Variants in DYRK1A observed in about 807,000 individuals in gnomAD.
The protein encoded by DYRK1A is dual specificity tyrosine-phosphorylation-regulated kinase 1A.
DYRK1A carries 9 observed loss-of-function variants against 79.7 expected under a neutral mutation model. The observed-to-expected ratio is 0.11, with a 90% confidence interval of 0.07 to 0.20. The LOEUF is 0.20. DYRK1A is among the 10% of genes least tolerant of loss of function. The pLI, the probability that DYRK1A is intolerant of heterozygous loss-of-function variation, is 1.00. For synonymous variants in DYRK1A, 349 were observed against 329.7 expected, an observed-to-expected ratio of 1.06 and a Z score of -0.63; for missense variants, 622 against 956.0, an observed-to-expected ratio of 0.65 and a Z score of 4.61.
rs568030606 is a variant in DYRK1A at position 37,448,966 on chromosome 21, G to A, written c.11-23718G>A. Among the ~76,000 whole-genome samples, 9 of 152,262 alleles carry A rather than the reference G, an allele frequency of 5.9e-5. No individual in the cohort carries two copies. The South Asian group carries it at 1.7e-3, about 28-fold the overall frequency. On this transcript the variant is annotated intron_variant, in intron 2 of 11. Transcript: ENST00000647188. ...GCCTGCCTTAGCCTCCCAAAATGTT[G>A]GGATTACAGGTGTGAGCCACCATGC...
At chr21:37,413,033 G>C (rs2050272197) in intron 1 of DYRK1A, among the ~76,000 whole-genome samples, 1 of 152,196 alleles carries the variant, frequency 6.6e-6, no homozygotes, top group Non-Finnish European at 1.5e-5. Flanking sequence ...AGGGCTAAAT[G>C]TGAAAGAGAC....
At chr21:37,430,927 T>C (rs1408290288) in intron 2 of DYRK1A, among the ~76,000 whole-genome samples, 2 of 152,182 alleles carry the variant, frequency 1.3e-5, no homozygotes, top group East Asian at 3.8e-4. Flanking sequence ...TCCCCTTCTT[T>C]CTACTCCAGT....
chr21:37,431,076 C>T (rs1215581694), intron 2 of DYRK1A, among the ~76,000 whole-genome samples: 2 of 152,228 alleles, frequency 1.3e-5, no homozygotes, highest in Admixed American at 1.3e-4. Context: ...ACTGGTATGT[C>T]TCCATCCCAT....
intron 1 of DYRK1A, chr21:37,419,355 G>A (rs2050419217): frequency 6.6e-6 from 1 of 152,178 alleles, no homozygotes; most frequent in African/African-American, 2.4e-5. Context: ...TTGAGAGGGT[G>A]CTAACAAAGG....
intron 1 of DYRK1A, among the ~76,000 whole-genome samples, chr21:37,397,497 T>A (rs1032201401): frequency 6.6e-6 from 1 of 152,130 alleles, no homozygotes; most frequent in Admixed American, 6.6e-5. Flanking sequence ...TACACTCTGG[T>A]TTCTTAGGAG....
Position 37,512,592 on chromosome 21 carries a change from A to C in DYRK1A, c.*61A>C. ...TTATAGAAGTGGTGTTTTTTTTCCAAAAACAAAGTGCAAAGCTGCTTGAAT... is the reference window on the plus strand; with the variant it reads ...TTATAGAAGTGGTGTTTTTTTTCCACAAACAAAGTGCAAAGCTGCTTGAAT... On this transcript the variant is annotated 3_prime_UTR_variant, in exon 12 of 12. Coordinates refer to ENST00000647188, the MANE Select transcript of DYRK1A (RefSeq NM_001347721.2). 2.6e-6 allele frequency: 4 copies of C among 1,567,722 alleles called. No individual in the cohort carries two copies. Among genetic ancestry groups the C allele is most frequent in the Non-Finnish European group, 3.5e-6 (4 of 1,154,338 alleles).
chr21:37,420,017 G>A (rs1011961800), intron 1 of DYRK1A: 3 of 168,854 alleles, frequency 1.8e-5, no homozygotes, highest in African/African-American at 7.2e-5. Context: ...GAATATTCAG[G>A]TTTATTTGAT....
At chr21:37,377,889 A>G (rs2049579492) in intron 1 of DYRK1A, among the ~76,000 whole-genome samples, 1 of 152,200 alleles carries the variant, frequency 6.6e-6, no homozygotes. Flanking sequence ...CCTTGCATGT[A>G]TAGTTGTGTT....
chr21:37,510,239 C>G (rs938410573), intron 11 of DYRK1A, among the ~76,000 whole-genome samples: 1 of 152,128 alleles, frequency 6.6e-6, no homozygotes, highest in Admixed American at 6.6e-5. Context: ...TGCCAGATTG[C>G]CCCCCATGTG....
intron 1 of DYRK1A, among the ~76,000 whole-genome samples, chr21:37,378,607 A>T (rs1293152250): frequency 1.3e-5 from 2 of 152,212 alleles, no homozygotes; most frequent in Non-Finnish European, 2.9e-5. Flanking sequence ...TGATGTTTTG[A>T]TAAATTGTAA....
rs2053960203 is a variant in DYRK1A, at chr21:37,525,200, C to T, written c.*12669C>T. The T allele has an allele frequency of 6.6e-6, 1 of 152,200 alleles. No individual in the cohort carries two copies. The highest frequency in any genetic ancestry group is 1.5e-5 in the Non-Finnish European group (1 of 68,060). 9.4% of individuals were successfully genotyped at this position (152,200 alleles called of 1,614,324 possible). Reference sequence around the variant, plus strand: ...GTGGAAATATATGTGTGTATTAGTCCATTTTCATACTGCTATAAAGAAAAG... The same window carrying T: ...GTGGAAATATATGTGTGTATTAGTCTATTTTCATACTGCTATAAAGAAAAG... On this transcript the variant is annotated 3_prime_UTR_variant, in exon 12 of 12. Coordinates refer to ENST00000647188, the MANE Select transcript of DYRK1A (RefSeq NM_001347721.2).
intron 1 of DYRK1A, among the ~76,000 whole-genome samples, chr21:37,405,906 C>T (rs547278361): frequency 6.6e-6 from 1 of 152,200 alleles, no homozygotes; most frequent in East Asian, 1.9e-4. Flanking sequence ...GGGTACTATT[C>T]ATGTGTGTTC....
At chr21:37,480,857 A>G in intron 5 of DYRK1A, 31 bp downstream of exon 5, 2 of 1,532,000 alleles carry the variant, frequency 1.3e-6, no homozygotes, top group Non-Finnish European at 1.8e-6. Context: ...GAATTTCATT[A>G]GTTAGAAAGA....
At chr21:37,397,872 C>T (rs964993729) in intron 1 of DYRK1A, among the ~76,000 whole-genome samples, 11 of 151,938 alleles carry the variant, frequency 7.2e-5, no homozygotes, top group Non-Finnish European at 1.6e-4. Context: ...TAATACTTGC[C>T]TGGCTCCTGT....
intron 1 of DYRK1A, among the ~76,000 whole-genome samples, chr21:37,383,310 T>G (rs886399303): frequency 6.6e-6 from 1 of 152,248 alleles, no homozygotes; most frequent in African/African-American, 2.4e-5. Context: ...GAGTCTCATT[T>G]GGTCTTCACT....
Position 37,506,647 on chromosome 21 carries a change from C to A in DYRK1A, c.1644+424C>A, listed in dbSNP as rs148374280. ...ATAGTCCTGGATTCTGAATCAATTT[C>A]TGATTTGATTTTAGCCTTTTTGTTG... On this transcript the variant is annotated intron_variant, in intron 11 of 11. Transcript: ENST00000647188. Among the ~76,000 whole-genome samples, 7 of 152,288 alleles carry A rather than the reference C, an allele frequency of 4.6e-5. No individual in the cohort carries two copies. The East Asian group carries it at 1.4e-3, about 29-fold the overall frequency.
intron 2 of DYRK1A, chr21:37,464,201 C>G (rs2051947233): frequency 2.3e-6 from 1 of 434,934 alleles, no homozygotes; most frequent in Non-Finnish European, 4.5e-6. Context: ...TCTGTGTTTA[C>G]CACTATCTTT....
chr21:37,366,182 C>A (rs1393406172), upstream of DYRK1A: 2 of 151,160 alleles, frequency 1.3e-5, no homozygotes, highest in African/African-American at 2.4e-5. Flanking sequence ...GCGCCCGGAC[C>A]GCGGTGAGAG....
At chr21:37,408,149 A>G (rs1445569264) in intron 1 of DYRK1A, among the ~76,000 whole-genome samples, 1 of 152,174 alleles carries the variant, frequency 6.6e-6, no homozygotes, top group African/African-American at 2.4e-5. Context: ...AATCCCACAC[A>G]TTTTGCTCAG....
Sources: gnomAD v4.1 joint callset for allele counts (sites outside exome capture counted in the v4.1 genomes callset) on GRCh38, gnomAD v4.1.1 for gene constraint, MANE v1.5 for transcripts, NCBI Gene and HGNC (gene_info 2026-07-23, HGNC 2026-07-21) for gene names.